Variants in BMPER observed in about 807,000 individuals in gnomAD.
BMPER encodes the protein BMP-binding endothelial regulator protein.
A neutral mutation model predicts 87.3 loss-of-function variants in BMPER; 45 were observed. That is an observed-to-expected ratio of 0.52 (90% CI 0.41 to 0.66). BMPER has a LOEUF of 0.66. Ranked by LOEUF, BMPER falls within the 30% of genes least tolerant of loss-of-function variation. BMPER has a pLI of 0.00. For synonymous variants in BMPER, 326 were observed against 316.2 expected, an observed-to-expected ratio of 1.03 and a Z score of -0.33; for missense variants, 784 against 867.5, an observed-to-expected ratio of 0.90 and a Z score of 1.21.
intron 13 of BMPER, among the ~76,000 whole-genome samples, chr7:34,128,976 T>C (rs912361298): frequency 1.3e-5 from 2 of 152,164 alleles, no homozygotes; most frequent in Admixed American, 1.3e-4. Flanking sequence ...TTGTGAGTCA[T>C]CCGGCCTGTT....
At chr7:34,116,982 C>A (rs1227132297) in intron 13 of BMPER, among the ~76,000 whole-genome samples, 1 of 150,942 alleles carries the variant, frequency 6.6e-6, no homozygotes, top group Non-Finnish European at 1.5e-5. Context: ...AAAGGGAGAC[C>A]CTGTCTCCGA....
At position 33,964,372 on chromosome 7, in the gene BMPER, C is replaced by T. The variant is rs116677955; in HGVS notation, c.320-2107C>T. Among the ~76,000 whole-genome samples, 795 of 152,248 alleles carry T rather than the reference C, an allele frequency of 5.2e-3. 5 individuals are homozygous for T. The highest frequency in any genetic ancestry group is 0.018 in the African/African-American group (760 of 41,532). On this transcript the variant is annotated intron_variant, in intron 3 of 14. Transcript: ENST00000649409. ...AGTCTATTTAGTCAGTCAGATTCAT[C>T]CATCATTTGAGAAGGTTTGTTATAT... is the stretch of plus-strand genomic sequence containing the variant.
intron 6 of BMPER, among the ~76,000 whole-genome samples, chr7:34,040,391 A>G (rs1787802255): frequency 6.6e-6 from 1 of 152,240 alleles, no homozygotes. Context: ...ACCAGAAAGC[A>G]AAGTGCGAAT....
intron 6 of BMPER, among the ~76,000 whole-genome samples, chr7:33,977,579 G>A (rs1333092216): frequency 6.6e-6 from 1 of 152,150 alleles, no homozygotes; most frequent in Non-Finnish European, 1.5e-5. Context: ...ATAATGTTAG[G>A]CTGCAGCTTC....
chr7:33,946,440 A>G (rs1784896486), intron 3 of BMPER, among the ~76,000 whole-genome samples: 1 of 152,202 alleles, frequency 6.6e-6, no homozygotes, highest in Non-Finnish European at 1.5e-5. Context: ...AACAAGTAAA[A>G]GGTAATCACA....
intron 6 of BMPER, among the ~76,000 whole-genome samples, chr7:34,009,838 G>C (rs1786832431): frequency 6.6e-6 from 1 of 151,938 alleles, no homozygotes; most frequent in Non-Finnish European, 1.5e-5. Context: ...CACTTTGCTT[G>C]TGTCTCTAGG....
chr7:34,087,098 T>C (rs1190663515), intron 13 of BMPER, among the ~76,000 whole-genome samples: 1 of 152,196 alleles, frequency 6.6e-6, no homozygotes, highest in Non-Finnish European at 1.5e-5. Context: ...AAAGATAAAG[T>C]TCTATAAAGG....
intron 2 of BMPER, among the ~76,000 whole-genome samples, chr7:33,935,413 C>T (rs1482382752): frequency 1.3e-5 from 2 of 152,078 alleles, no homozygotes; most frequent in Admixed American, 6.5e-5. Flanking sequence ...CTTAGATTAA[C>T]CAGATCTGAG....
chr7:34,041,248 C>CA (rs1787824826), intron 6 of BMPER, among the ~76,000 whole-genome samples: 1 of 152,150 alleles, frequency 6.6e-6, no homozygotes, highest in Non-Finnish European at 1.5e-5. Context: ...GTAGGGGTGA[C>CA]AAAAGCATGC....
chr7:33,931,137 G>C (rs1784470509), intron 2 of BMPER, among the ~76,000 whole-genome samples: 1 of 152,200 alleles, frequency 6.6e-6, no homozygotes, highest in East Asian at 1.9e-4. Context: ...CAGAAACGTG[G>C]CAGGAGACCT....
chr7:34,122,184 C>T (rs1790280541), intron 13 of BMPER, among the ~76,000 whole-genome samples: 1 of 152,096 alleles, frequency 6.6e-6, no homozygotes, highest in Admixed American at 6.6e-5. Flanking sequence ...CTCTGCTGAA[C>T]AGATTAGTAA....
intron 3 of BMPER, among the ~76,000 whole-genome samples, chr7:33,956,019 A>G (rs1276711026): frequency 6.6e-6 from 1 of 151,638 alleles, no homozygotes; most frequent in Non-Finnish European, 1.5e-5. Flanking sequence ...TAGACAGACA[A>G]ACAAACAAAC....
In BMPER at chr7:34,155,078, AC is replaced by A. The variant is rs895671201; in HGVS notation, c.*1809del. ...CAGGGTTGAGAATCGGGAAAACTAG[AC>A]CCCTGCCACTAACAGGCTAGGAGAC... On this transcript the variant is annotated 3_prime_UTR_variant, in exon 15 of 15. Coordinates refer to ENST00000649409, the MANE Select transcript of BMPER (RefSeq NM_001365308.1). 14 of 151,938 alleles carry A rather than the reference AC, an allele frequency of 9.2e-5. No homozygotes were observed. The highest frequency in any genetic ancestry group is 1.5e-4 in the Non-Finnish European group (10 of 67,974). 9.4% of individuals were successfully genotyped at this position (151,938 alleles called of 1,614,324 possible).
At chr7:34,035,311 A>G (rs942873417) in intron 6 of BMPER, among the ~76,000 whole-genome samples, 4 of 152,214 alleles carry the variant, frequency 2.6e-5, no homozygotes, top group South Asian at 4.1e-4. Flanking sequence ...GCACATAACA[A>G]TGGATACCAA....
At chr7:34,054,354 G>T (rs1276586920) in intron 8 of BMPER, among the ~76,000 whole-genome samples, 1 of 152,118 alleles carries the variant, frequency 6.6e-6, no homozygotes, top group African/African-American at 2.4e-5. Context: ...TTGAGAGCTA[G>T]GGAGTGCCCT....
chr7:33,957,686 A>G (rs529656767), intron 3 of BMPER, among the ~76,000 whole-genome samples: 26 of 152,326 alleles, frequency 1.7e-4, no homozygotes, highest in African/African-American at 5.0e-4. Flanking sequence ...GTAGTTATAC[A>G]AGAGTTAACA....
At chr7:34,082,563 A>C (rs924866363) in intron 12 of BMPER, among the ~76,000 whole-genome samples, 1 of 152,136 alleles carries the variant, frequency 6.6e-6, no homozygotes, top group Non-Finnish European at 1.5e-5. Context: ...AGTGAATTAC[A>C]AATTATTCTC....
chr7:34,079,290 G>A (rs1788951544), intron 12 of BMPER, 104 bp downstream of exon 12: 2 of 1,470,436 alleles, frequency 1.4e-6, no homozygotes, highest in Admixed American at 1.9e-5. Flanking sequence ...CCTCCTCCGA[G>A]CAAAAACCCA....
At chr7:33,929,333 C>A (rs897432915) in intron 2 of BMPER, among the ~76,000 whole-genome samples, 4 of 152,170 alleles carry the variant, frequency 2.6e-5, no homozygotes, top group African/African-American at 9.7e-5. Context: ...CTCTTCTGCT[C>A]AAATCAAAGA....
Sources: gnomAD v4.1 joint callset for allele counts (sites outside exome capture counted in the v4.1 genomes callset) on GRCh38, gnomAD v4.1.1 for gene constraint, MANE v1.5 for transcripts, NCBI Gene and HGNC (gene_info 2026-07-23, HGNC 2026-07-21) for gene names.